The following GPC5 variants were observed in gnomAD, a reference collection of about 807,000 sequenced individuals.
The protein encoded by GPC5 is glypican 5, also known as glypican-5.
Under a neutral mutation model 53.9 loss-of-function variants are expected in GPC5, and 47 were observed. The ratio of observed to expected loss-of-function variants is 0.87; its 90% CI spans 0.69 to 1.11. GPC5 has a LOEUF of 1.11. Ranked by LOEUF, GPC5 falls within the 50% of genes most tolerant of loss-of-function variation. The pLI is 0.00. For missense variants in GPC5, 748 were observed against 713.1 expected, an observed-to-expected ratio of 1.05 and a Z score of -0.56; for synonymous variants, 286 against 263.3, an observed-to-expected ratio of 1.09 and a Z score of -0.84.
At position 92,675,823 on chromosome 13, in the gene GPC5, C is replaced by G. The variant is rs574807370; in HGVS notation, c.1562-190459C>G. On this transcript the variant is annotated intron_variant, in intron 7 of 7. Transcript: ENST00000377067. ...GCTTTGGTCTTATGCCATGAACAAGCAGGAGGTGCTTCTGGAACTGTCCTA... is the reference window on the plus strand; with the variant it reads ...GCTTTGGTCTTATGCCATGAACAAGGAGGAGGTGCTTCTGGAACTGTCCTA... 1.9e-4 allele frequency among the ~76,000 whole-genome samples: 29 copies of G among 152,178 alleles called. No homozygotes were observed. The South Asian group carries it at 6.0e-3, about 32-fold the overall frequency.
At chr13:92,201,823 C>T (rs1417397109) in intron 7 of GPC5, among the ~76,000 whole-genome samples, 1 of 152,152 alleles carries the variant, frequency 6.6e-6, no homozygotes, top group Non-Finnish European at 1.5e-5. Flanking sequence ...CTTTAGTGTA[C>T]ATAAAGCAAT....
At chr13:92,402,985 T>C (rs983477129) in intron 7 of GPC5, among the ~76,000 whole-genome samples, 34 of 152,208 alleles carry the variant, frequency 2.2e-4, no homozygotes, top group Non-Finnish European at 2.2e-4. Flanking sequence ...CTCAAATCTT[T>C]CGAACGATTA....
intron 7 of GPC5, among the ~76,000 whole-genome samples, chr13:92,737,713 A>G (rs1888973592): frequency 6.7e-6 from 1 of 150,272 alleles, no homozygotes; most frequent in African/African-American, 2.4e-5. Context: ...TGAGTCTAGA[A>G]TTAGATTTGA....
intron 1 of GPC5, among the ~76,000 whole-genome samples, chr13:91,438,132 G>A (rs1280791446): frequency 6.6e-6 from 1 of 151,528 alleles, no homozygotes; most frequent in East Asian, 2.0e-4. Context: ...GCTTGGAGTA[G>A]TTTGATTGTC....
At chr13:91,593,530 T>C (rs2032882332) in intron 2 of GPC5, among the ~76,000 whole-genome samples, 1 of 152,224 alleles carries the variant, frequency 6.6e-6, no homozygotes, top group Admixed American at 6.5e-5. Context: ...TGTGCCTGGC[T>C]TAATTTAACT....
chr13:91,611,538 A>G (rs1440125192), intron 2 of GPC5, among the ~76,000 whole-genome samples: 1 of 152,186 alleles, frequency 6.6e-6, no homozygotes, highest in Non-Finnish European at 1.5e-5. Flanking sequence ...AAAGTCAGCT[A>G]GCTGCTGGCT....
intron 7 of GPC5, among the ~76,000 whole-genome samples, chr13:92,432,548 T>G (rs984275631): frequency 6.6e-6 from 1 of 151,328 alleles, no homozygotes; most frequent in South Asian, 2.1e-4. Context: ...CTATTTTTTT[T>G]TTTTTTTAAA....
chr13:92,799,473 TG>T (rs1319370940), intron 7 of GPC5, among the ~76,000 whole-genome samples: 1 of 151,764 alleles, frequency 6.6e-6, no homozygotes. Flanking sequence ...TAGTAAGAAA[TG>T]GTGCATGTGG....
chr13:92,305,451 C>G (rs1415538011), intron 7 of GPC5, among the ~76,000 whole-genome samples: 1 of 152,108 alleles, frequency 6.6e-6, no homozygotes, highest in Non-Finnish European at 1.5e-5. Flanking sequence ...ACCCCAGCCT[C>G]TACCCTTTTT....
At chr13:92,113,226 A>G (rs1201791492) in intron 6 of GPC5, among the ~76,000 whole-genome samples, 3 of 152,096 alleles carry the variant, frequency 2.0e-5, no homozygotes, top group Non-Finnish European at 2.9e-5. Flanking sequence ...TTAATTGTCA[A>G]TGTATGTTTT....
chr13:91,993,443 A>G (rs184216042), intron 6 of GPC5, among the ~76,000 whole-genome samples: 97 of 152,172 alleles, frequency 6.4e-4, no homozygotes, highest in African/African-American at 2.2e-3. Context: ...CAGATTTGAA[A>G]GGGAGAATAT....
At chr13:92,794,106 C>G (rs1312408234) in intron 7 of GPC5, among the ~76,000 whole-genome samples, 1 of 152,086 alleles carries the variant, frequency 6.6e-6, no homozygotes, top group African/African-American at 2.4e-5. Context: ...GACTAATAAC[C>G]CTGATGAACA....
At chr13:91,968,539 G>A (rs1360040520) in intron 6 of GPC5, among the ~76,000 whole-genome samples, 2 of 151,918 alleles carry the variant, frequency 1.3e-5, no homozygotes, top group Non-Finnish European at 2.9e-5. Flanking sequence ...TCGGCTCACT[G>A]CAACCTCCAC....
chr13:91,803,831 T>C (rs2038176376), intron 5 of GPC5, among the ~76,000 whole-genome samples: 1 of 148,008 alleles, frequency 6.8e-6, no homozygotes, highest in South Asian at 2.1e-4. Context: ...AGATAAGATA[T>C]GAGGTGATGA....
chr13:92,364,257 A>G (rs1029701580), intron 7 of GPC5, among the ~76,000 whole-genome samples: 1 of 151,804 alleles, frequency 6.6e-6, no homozygotes, highest in African/African-American at 2.4e-5. Context: ...TAAGTACCCA[A>G]TATTTTCTGA....
chr13:91,477,484 C>T (rs956063984), intron 2 of GPC5, among the ~76,000 whole-genome samples: 19 of 152,262 alleles, frequency 1.2e-4, no homozygotes, highest in East Asian at 3.9e-4. Flanking sequence ...ATGAATGAAA[C>T]GCTTCTGGGG....
chr13:92,709,726 C>T (rs886611782), intron 7 of GPC5, among the ~76,000 whole-genome samples: 9 of 152,174 alleles, frequency 5.9e-5, no homozygotes, highest in African/African-American at 2.2e-4. Context: ...GAAATGTATA[C>T]TCCACCTTCA....
intron 7 of GPC5, among the ~76,000 whole-genome samples, chr13:92,244,925 C>G (rs1422403907): frequency 2.0e-5 from 3 of 151,358 alleles, no homozygotes; most frequent in Non-Finnish European, 4.4e-5. Flanking sequence ...GTAGTCCCAG[C>G]TACTTGGGAG....
At position 92,204,853 on chromosome 13, in the gene GPC5, T is replaced by C. The variant is rs182396081; in HGVS notation, c.1561+59864T>C. Among the ~76,000 whole-genome samples, 87 of 152,010 alleles carry C rather than the reference T, an allele frequency of 5.7e-4. 1 individual carries two copies. Among genetic ancestry groups the C allele is most frequent in the African/African-American group, 2.0e-3 (82 of 41,450 alleles). Reference sequence around the variant, plus strand: ...TCATAGGAGCATTGAGACCTAGAGGTTTTTTTGTTTGTTTTTTGGTTTTTG... The same window carrying C: ...TCATAGGAGCATTGAGACCTAGAGGCTTTTTTGTTTGTTTTTTGGTTTTTG... On this transcript the variant is annotated intron_variant, in intron 7 of 7. Transcript: ENST00000377067.
Sources: allele counts gnomAD v4.1 joint callset (sites outside exome capture counted in the v4.1 genomes callset), GRCh38; gene constraint gnomAD v4.1.1; transcripts MANE v1.5; gene names NCBI Gene and HGNC (gene_info 2026-07-23, HGNC 2026-07-21).